The following PIBF1 variants were observed in gnomAD, a reference collection of about 807,000 sequenced individuals.
The protein encoded by PIBF1 is progesterone immunomodulatory binding factor 1.
PIBF1 carries 90 observed loss-of-function variants against 112.5 expected under a neutral mutation model. The observed-to-expected ratio is 0.80, with a 90% CI of 0.67 to 0.95. The LOEUF is 0.95. Among genes scored for constraint, PIBF1 ranks in the 40% least tolerant of loss-of-function variants. The probability of loss-of-function intolerance (pLI) is 0.00; values close to 1 mark genes in which losing one functional copy is unlikely to be tolerated. For missense variants in PIBF1, 915 were observed against 852.3 expected (o/e 1.07, Z -0.92); for synonymous variants, 301 against 288.6 (o/e 1.04, Z -0.44).
At chr13:72,985,748 C>A (rs2043268861) in intron 16 of PIBF1, among the ~76,000 whole-genome samples, 1 of 152,108 alleles carries the variant, frequency 6.6e-6, no homozygotes, top group Non-Finnish European at 1.5e-5. Flanking sequence ...TGGAGTGAGT[C>A]ATACTCTGAA....
At chr13:72,970,637 A>G (rs1002426252) in intron 15 of PIBF1, 6 of 152,206 alleles carry the variant, frequency 3.9e-5, no homozygotes, top group Non-Finnish European at 7.4e-5. Context: ...CATTCAAGAT[A>G]GATGTGCTTA....
At chr13:72,803,408 G>A (rs2035580150) in intron 5 of PIBF1, among the ~76,000 whole-genome samples, 1 of 152,086 alleles carries the variant, frequency 6.6e-6, no homozygotes, top group Non-Finnish European at 1.5e-5. Flanking sequence ...TGGATACCCA[G>A]TTATAGTTAT....
At position 73,016,135 on chromosome 13, in the gene PIBF1, G is replaced by C. The variant is rs933966864; in HGVS notation, c.*216G>C. 1 of 204,842 alleles carries C rather than the reference G, an allele frequency of 4.9e-6. No homozygotes were observed. The highest frequency in any genetic ancestry group is 5.9e-5 in the Admixed American group (1 of 16,988). 12.7% of individuals were successfully genotyped at this position (204,842 alleles called of 1,614,324 possible). On this transcript the variant is annotated 3_prime_UTR_variant, in exon 18 of 18. Transcript: ENST00000326291. ...TCTATTTTATAAAATAAATATATATGCTATGCTTTAAATTTTGGAGCTTTC... is the reference window on the plus strand; with the variant it reads ...TCTATTTTATAAAATAAATATATATCCTATGCTTTAAATTTTGGAGCTTTC...
intron 16 of PIBF1, among the ~76,000 whole-genome samples, chr13:72,992,360 C>G (rs1307842468): frequency 6.6e-6 from 1 of 152,162 alleles, no homozygotes; most frequent in Non-Finnish European, 1.5e-5. Flanking sequence ...AATGAAGCAT[C>G]TGCCAGGCCT....
intron 8 of PIBF1, among the ~76,000 whole-genome samples, chr13:72,830,503 C>A (rs964530057): frequency 6.6e-6 from 1 of 152,174 alleles, no homozygotes; most frequent in East Asian, 1.9e-4. Context: ...TGAATTTTGT[C>A]AAAGGCCTTT....
chr13:72,806,470 A>C (rs1232524646), intron 5 of PIBF1, among the ~76,000 whole-genome samples: 1 of 151,702 alleles, frequency 6.6e-6, no homozygotes, highest in Non-Finnish European at 1.5e-5. Context: ...GGTTTGCTGC[A>C]CCCATCAACC....
intron 17 of PIBF1, among the ~76,000 whole-genome samples, chr13:73,012,951 C>T (rs1040337484): frequency 6.6e-6 from 1 of 151,238 alleles, no homozygotes; most frequent in African/African-American, 2.4e-5. Flanking sequence ...TAATGTCAGA[C>T]ACCAAATATC....
intron 14 of PIBF1, among the ~76,000 whole-genome samples, chr13:72,961,860 A>G (rs1422155341): frequency 2.0e-5 from 3 of 152,158 alleles, no homozygotes; most frequent in Admixed American, 1.3e-4. Context: ...TTTTAAAACT[A>G]TGGTTGTGTA....
intron 15 of PIBF1, among the ~76,000 whole-genome samples, chr13:72,968,596 C>T (rs1462747014): frequency 1.3e-5 from 2 of 152,056 alleles, no homozygotes; most frequent in Non-Finnish European, 2.9e-5. Context: ...CCACCACACC[C>T]AACCTGAGCA....
Position 72,931,233 on chromosome 13 carries a change from A to T in PIBF1, c.1799A>T (p.His600Leu). 6.2e-7 allele frequency: 1 copy of T among 1,612,836 alleles called. No individual in the cohort carries two copies. Among genetic ancestry groups the T allele is most frequent in the African/African-American group, 1.3e-5 (1 of 75,010 alleles). The part of the protein sequence containing the change: ...QNSLILKDLE[H>L]RKDQVTQLSQ... ...TCGCTGATTTTAAAAGATCTGGAAC[A>T]TCGAAAGGACCAAGTAACACAGCTT... The change falls in exon 14 of 18, where the codon CAT becomes CTT. Residue 600 changes from histidine to leucine, a missense_variant. Coordinates refer to ENST00000326291, the MANE Select transcript of PIBF1 (RefSeq NM_006346.4).
intron 10 of PIBF1, among the ~76,000 whole-genome samples, chr13:72,858,427 A>G (rs890769558): frequency 6.6e-6 from 1 of 152,182 alleles, no homozygotes; most frequent in Non-Finnish European, 1.5e-5. Flanking sequence ...TCAAAATGCT[A>G]TATATACCAC....
chr13:72,803,642 T>C (rs1204651321), intron 5 of PIBF1, among the ~76,000 whole-genome samples: 1 of 152,240 alleles, frequency 6.6e-6, no homozygotes, highest in Non-Finnish European at 1.5e-5. Context: ...ATAATTTATC[T>C]CTTAATAGCT....
Position 72,898,802 on chromosome 13 carries a change from C to T in PIBF1, c.1488+4853C>T, listed in dbSNP as rs191635224. Reference sequence around the variant, plus strand: ...GGCAGAGGTTGCAGTAAGCAGAGATCGTACCATTGCATTCCAGCCTGAGCA... The same window carrying T: ...GGCAGAGGTTGCAGTAAGCAGAGATTGTACCATTGCATTCCAGCCTGAGCA... On this transcript the variant is annotated intron_variant, in intron 11 of 17. Transcript: ENST00000326291. Among the ~76,000 whole-genome samples the T allele has an allele frequency of 3.7e-3, 554 of 149,320 alleles. 1 individual carries two copies. The highest frequency in any genetic ancestry group is 0.013 in the African/African-American group (521 of 40,494).
At chr13:72,825,693 G>A (rs1478941726) in intron 6 of PIBF1, among the ~76,000 whole-genome samples, 3 of 152,054 alleles carry the variant, frequency 2.0e-5, no homozygotes, top group Non-Finnish European at 4.4e-5. Context: ...GAGAGGGTTT[G>A]AATAAATATG....
At chr13:72,859,580 G>A (rs1375880109) in intron 10 of PIBF1, among the ~76,000 whole-genome samples, 3 of 152,126 alleles carry the variant, frequency 2.0e-5, no homozygotes, top group Non-Finnish European at 4.4e-5. Context: ...ATTGAATAAT[G>A]AAGTAAGGAT....
chr13:72,817,147 T>C (rs1247581489), intron 5 of PIBF1, among the ~76,000 whole-genome samples: 1 of 152,238 alleles, frequency 6.6e-6, no homozygotes, highest in African/African-American at 2.4e-5. Flanking sequence ...TAAATGTCAT[T>C]ATATTCTATT....
intron 16 of PIBF1, among the ~76,000 whole-genome samples, chr13:72,996,039 A>G (rs1182926477): frequency 7.8e-6 from 1 of 128,662 alleles, no homozygotes; most frequent in Non-Finnish European, 1.6e-5. Context: ...AGATTGACAT[A>G]TTCTGCTACA....
rs187984401 is a variant in PIBF1 at position 72,929,257 on chromosome 13, G to A, written c.1731-1908G>A. ...TAATGATAAACTGATGCTTGCAAAC[G>A]TATAATGGAATCAACGGATTTTAAA... On this transcript the variant is annotated intron_variant, in intron 13 of 17. Transcript: ENST00000326291. Among the ~76,000 whole-genome samples the A allele has an allele frequency of 1.0e-3, 154 of 152,222 alleles. No individual in the cohort carries two copies. The Middle Eastern group carries it at 0.024, about 24-fold the overall frequency.
At chr13:73,005,546 G>A (rs2044006958) in intron 17 of PIBF1, among the ~76,000 whole-genome samples, 1 of 151,740 alleles carries the variant, frequency 6.6e-6, no homozygotes, top group Non-Finnish European at 1.5e-5. Flanking sequence ...TTTAAAAATT[G>A]TAAGTAGGTT....
Sources: allele counts gnomAD v4.1 joint callset (sites outside exome capture counted in the v4.1 genomes callset), GRCh38; gene constraint gnomAD v4.1.1; transcripts MANE v1.5; gene names NCBI Gene and HGNC (gene_info 2026-07-23, HGNC 2026-07-21).